Variants in CRYBA4 observed in about 807,000 individuals in gnomAD.
CRYBA4 encodes the protein crystallin beta A4.
CRYBA4 carries 30 observed loss-of-function variants against 31.7 expected under a neutral mutation model. That is an observed-to-expected ratio of 0.95 (90% confidence interval 0.71 to 1.28). The LOEUF (loss-of-function observed/expected upper bound fraction) is 1.28, where lower values mean the gene tolerates loss of function less well. Among genes scored for constraint, CRYBA4 ranks in the 50% most tolerant of loss-of-function variants. The probability of loss-of-function intolerance (pLI) is 0.00; values close to 1 mark genes in which losing one functional copy is unlikely to be tolerated. For synonymous variants in CRYBA4, 102 were observed against 102.3 expected (o/e 1.00, Z 0.02); for missense variants, 225 against 260.7 (o/e 0.86, Z 0.94).
rs777769911 is a variant in CRYBA4 at position 26,622,570 on chromosome 22, T to C, written c.-12-15T>C. ...GGGTCAGGGTGGAAGATTATAATGT[T>C]CTTCTCTTCTGCAGGAAGGGGCCAC... On this transcript the variant is annotated splice_polypyrimidine_tract_variant and intron_variant, in intron 1 of 5. Coordinates refer to ENST00000354760, the MANE Select transcript of CRYBA4 (RefSeq NM_001886.3). 8.7e-6 allele frequency: 14 copies of C among 1,611,010 alleles called. No individual in the cohort carries two copies. Among genetic ancestry groups the C allele is most frequent in the Non-Finnish European group, 1.2e-5 (14 of 1,177,420 alleles).
chr22:26,623,375 T>G (rs891246913), intron 3 of CRYBA4, 23 bp downstream of exon 3: 1 of 1,587,076 alleles, frequency 6.3e-7, no homozygotes. Flanking sequence ...GGACACTGAG[T>G]TGGGGTAGAG....
chr22:26,615,662 C>A, the CRYBA4 span, among the ~76,000 whole-genome samples: 2 of 152,168 alleles, frequency 1.3e-5, no homozygotes, highest in South Asian at 4.2e-4. Flanking sequence ...TACAGGCGCC[C>A]ACCACTACGC....
At chr22:26,592,703 A>G in the CRYBA4 span, among the ~76,000 whole-genome samples, 44 of 152,286 alleles carry the variant, frequency 2.9e-4, no homozygotes, top group African/African-American at 9.9e-4. Flanking sequence ...GAGACAGGGA[A>G]GGTGTTCAAC....
chr22:26,601,924 T>C, the CRYBA4 span: 1 of 1,612,870 alleles, frequency 6.2e-7, no homozygotes, highest in Non-Finnish European at 8.5e-7. Flanking sequence ...ACTGAAGCCG[T>C]AGACCCAGAG....
At chr22:26,612,363 T>TTTTG in the CRYBA4 span, among the ~76,000 whole-genome samples, 1 of 152,154 alleles carries the variant, frequency 6.6e-6, no homozygotes, top group South Asian at 2.1e-4. Flanking sequence ...GATTTTTGTT[T>TTTTG]TTTGTTTGTT....
intron 4 of CRYBA4, among the ~76,000 whole-genome samples, chr22:26,626,834 A>G (rs746280849): frequency 1.3e-5 from 2 of 152,176 alleles, no homozygotes; most frequent in South Asian, 2.1e-4. Context: ...ATCTACATCT[A>G]TATCTGTATA....
chr22:26,605,892 A>G, the CRYBA4 span, among the ~76,000 whole-genome samples: 1 of 152,130 alleles, frequency 6.6e-6, no homozygotes, highest in Non-Finnish European at 1.5e-5. Context: ...GTGGCAGGGC[A>G]GAGAGAGGAA....
the CRYBA4 span, among the ~76,000 whole-genome samples, chr22:26,595,628 T>C: frequency 6.6e-6 from 1 of 150,802 alleles, no homozygotes; most frequent in Non-Finnish European, 1.5e-5. Context: ...CCAGAAGACC[T>C]GGACTCTGTG....
the CRYBA4 span, among the ~76,000 whole-genome samples, chr22:26,594,486 C>G: frequency 1.3e-5 from 2 of 152,284 alleles, no homozygotes; most frequent in South Asian, 2.1e-4. Flanking sequence ...GATGCTTTGC[C>G]TTTCCAAAGG....
the CRYBA4 span, among the ~76,000 whole-genome samples, chr22:26,604,330 G>A: frequency 3.9e-5 from 6 of 152,216 alleles, no homozygotes; most frequent in East Asian, 7.7e-4. Flanking sequence ...TATGTAAAAG[G>A]CAGGTAATAT....
At chr22:26,612,134 C>T in the CRYBA4 span, 1 of 1,614,036 alleles carries the variant, frequency 6.2e-7, no homozygotes. Context: ...GATTTGAGCA[C>T]TCCCCCGAGA....
At chr22:26,612,891 C>T in the CRYBA4 span, among the ~76,000 whole-genome samples, 3 of 152,150 alleles carry the variant, frequency 2.0e-5, no homozygotes, top group Non-Finnish European at 2.9e-5. Flanking sequence ...CTTCCTCCAT[C>T]GGCCTTGGTT....
At chr22:26,618,596 G>A (rs761558115), upstream of CRYBA4, among the ~76,000 whole-genome samples, 7 of 152,148 alleles carry the variant, frequency 4.6e-5, no homozygotes, top group South Asian at 4.1e-4. Context: ...GTCAGTCCCC[G>A]GGACAATCTG....
the CRYBA4 span, chr22:26,599,520 G>A: frequency 6.2e-7 from 1 of 1,613,440 alleles, no homozygotes; most frequent in Non-Finnish European, 8.5e-7. Context: ...CCAGGACAGG[G>A]AAGGACCCCT....
At chr22:26,602,852 G>A in the CRYBA4 span, among the ~76,000 whole-genome samples, 1 of 151,998 alleles carries the variant, frequency 6.6e-6, no homozygotes, top group Non-Finnish European at 1.5e-5. Flanking sequence ...GGCCGGGTGC[G>A]ATGGCTCACT....
the CRYBA4 span, among the ~76,000 whole-genome samples, chr22:26,602,939 C>T: frequency 1.3e-5 from 2 of 151,412 alleles, no homozygotes; most frequent in Non-Finnish European, 2.9e-5. Flanking sequence ...CTGGCTAACA[C>T]GATGAAACCC....
At chr22:26,604,539 T>C in the CRYBA4 span, among the ~76,000 whole-genome samples, 2 of 152,112 alleles carry the variant, frequency 1.3e-5, no homozygotes, top group African/African-American at 4.8e-5. Context: ...CAGGGAAGGC[T>C]TCATGGAAGA....
Position 26,630,470 on chromosome 22 carries a change from C to A in CRYBA4, c.574C>A (p.Arg192Ser). Residue 192 changes from arginine (R) to serine (S), a missense_variant, in exon 6 of 6, where the codon CGC (arginine) becomes AGC (serine). Transcript: ENST00000354760. Reference protein sequence around the residue: ...HAPTFQVQSIRRIQQ With the variant: ...HAPTFQVQSISRIQQ ...CCCGACCTTCCAGGTGCAGAGCATC[C>A]GCAGGATCCAGCAGTGAACAGGGGT... 6.2e-7 allele frequency: 1 copy of A among 1,613,782 alleles called. No homozygotes were observed. Among genetic ancestry groups the A allele is most frequent in the Non-Finnish European group, 8.5e-7 (1 of 1,179,978 alleles).
the CRYBA4 span, chr22:26,607,970 C>T: frequency 1.9e-6 from 3 of 1,614,224 alleles, no homozygotes; most frequent in Non-Finnish European, 2.5e-6. Flanking sequence ...ACTCGCCCTT[C>T]TCCAGGATGA....
Sources: allele counts gnomAD v4.1 joint callset (sites outside exome capture counted in the v4.1 genomes callset), GRCh38; gene constraint gnomAD v4.1.1; transcripts MANE v1.5; gene names NCBI Gene and HGNC (gene_info 2026-07-23, HGNC 2026-07-21).